Variants in TMEM260 observed in about 807,000 individuals in gnomAD.
TMEM260 encodes the protein protein O-mannosyl-transferase TMEM260.
TMEM260 carries 82 observed loss-of-function variants against 88.9 expected under a neutral mutation model. That is an observed-to-expected ratio of 0.92 (90% CI 0.77 to 1.11). The LOEUF (loss-of-function observed/expected upper bound fraction) is 1.11, where lower values mean the gene tolerates loss of function less well. Among genes scored for constraint, TMEM260 ranks in the 50% least tolerant of loss-of-function variants. The pLI, the probability that TMEM260 is intolerant of heterozygous loss-of-function variation, is 0.00. For synonymous variants in TMEM260, 314 were observed against 309.3 expected, an observed-to-expected ratio of 1.02 and a Z score of -0.16; for missense variants, 902 against 853.4, an observed-to-expected ratio of 1.06 and a Z score of -0.71.
At chr14:56,629,754 T>C (rs1440703991) in intron 12 of TMEM260, among the ~76,000 whole-genome samples, 1 of 152,172 alleles carries the variant, frequency 6.6e-6, no homozygotes, top group Non-Finnish European at 1.5e-5. Context: ...AATGTTACTT[T>C]AGGCTGGGCA....
chr14:56,662,174 T>G, the TMEM260 span, among the ~76,000 whole-genome samples: 5 of 152,252 alleles, frequency 3.3e-5, no homozygotes, highest in Non-Finnish European at 5.9e-5. Context: ...TCTTCTCAGA[T>G]AGCTACTTTT....
intron 15 of TMEM260, among the ~76,000 whole-genome samples, chr14:56,639,059 T>G (rs1041713454): frequency 3.3e-5 from 5 of 152,176 alleles, no homozygotes; most frequent in Admixed American, 6.5e-5. Flanking sequence ...TGAAGACTAG[T>G]AGGTGGGTCA....
intron 3 of TMEM260, among the ~76,000 whole-genome samples, chr14:56,595,332 G>T (rs947809162): frequency 9.2e-5 from 14 of 151,952 alleles, no homozygotes; most frequent in African/African-American, 3.4e-4. Flanking sequence ...GATATGGAGG[G>T]TTCATTGTTG....
chr14:56,595,781 C>A (rs1244254811), intron 3 of TMEM260, among the ~76,000 whole-genome samples: 1 of 152,036 alleles, frequency 6.6e-6, no homozygotes, highest in African/African-American at 2.4e-5. Context: ...GCCACCATGC[C>A]CAGTCTATAT....
chr14:56,579,692 G>T (rs1463830688), upstream of TMEM260: 1 of 397,060 alleles, frequency 2.5e-6, no homozygotes, highest in Non-Finnish European at 4.4e-6. Flanking sequence ...ACGCCAATGC[G>T]TGGTGCACTG....
chr14:56,595,996 A>G (rs1452113837), intron 3 of TMEM260, among the ~76,000 whole-genome samples: 1 of 152,172 alleles, frequency 6.6e-6, no homozygotes, highest in African/African-American at 2.4e-5. Flanking sequence ...AAGAAAAAAA[A>G]TCAATGTAAC....
intron 10 of TMEM260, among the ~76,000 whole-genome samples, chr14:56,620,722 T>TA (rs1342008031): frequency 6.6e-6 from 1 of 152,224 alleles, no homozygotes; most frequent in Non-Finnish European, 1.5e-5. Flanking sequence ...TGTTTTGTGA[T>TA]ACCCCAGATA....
intron 14 of TMEM260, among the ~76,000 whole-genome samples, chr14:56,635,494 C>T (rs537552214): frequency 2.2e-3 from 314 of 145,460 alleles, no homozygotes; most frequent in Non-Finnish European, 3.1e-3. Flanking sequence ...AAATATTAAT[C>T]TGATGGAGCC....
At chr14:56,614,788 A>T (rs556072865) in intron 7 of TMEM260, among the ~76,000 whole-genome samples, 1 of 152,310 alleles carries the variant, frequency 6.6e-6, no homozygotes, top group South Asian at 2.1e-4. Flanking sequence ...CACTCCCTGA[A>T]TGAGAATGTC....
Position 56,647,682 on chromosome 14 carries a change from A to C in TMEM260, c.*185A>C. 1 of 606,294 alleles carries C rather than the reference A, an allele frequency of 1.6e-6. No individual in the cohort carries two copies. The highest frequency in any genetic ancestry group is 2.7e-6 in the Non-Finnish European group (1 of 374,452). The allele number at this position is 606,294 out of a possible 1,614,324, so 37.6% of individuals were successfully genotyped here. On this transcript the variant is annotated 3_prime_UTR_variant, in exon 16 of 16. Coordinates refer to ENST00000261556, the MANE Select transcript of TMEM260 (RefSeq NM_017799.4). ...AGTGACTAAGGTCTGCTATTTATGC[A>C]AAATTCTGTTTATCCCGTGTTACCA...
At position 56,647,563 on chromosome 14, in the gene TMEM260, C is replaced by T; in HGVS notation, c.*66C>T. 2 of 1,500,516 alleles carry T rather than the reference C, an allele frequency of 1.3e-6. No individual in the cohort carries two copies. The highest frequency in any genetic ancestry group is 1.8e-6 in the Non-Finnish European group (2 of 1,130,962). The allele number at this position is 1,500,516 out of a possible 1,614,324, so 93.0% of individuals were successfully genotyped here. On this transcript the variant is annotated 3_prime_UTR_variant, in exon 16 of 16. Coordinates refer to ENST00000261556, the MANE Select transcript of TMEM260 (RefSeq NM_017799.4). ...AAAATTCTGAAGTCTGGAAGTTTTT[C>T]CTTCAAGAAAAGAAACTGCATAAAA...
downstream of TMEM260, among the ~76,000 whole-genome samples, chr14:56,654,142 T>C (rs1444382181): frequency 4.6e-5 from 7 of 152,308 alleles, no homozygotes; most frequent in Admixed American, 3.9e-4. Flanking sequence ...GTAATTTTTT[T>C]CCCCTTTCCT....
downstream of TMEM260, chr14:56,650,303 C>T (rs1221742872): frequency 3.0e-5 from 9 of 300,302 alleles, no homozygotes; most frequent in East Asian, 5.5e-4. Flanking sequence ...TCTCCACATG[C>T]GTCAGGGCCC....
intron 10 of TMEM260, among the ~76,000 whole-genome samples, chr14:56,620,784 CT>C (rs1167911477): frequency 6.6e-6 from 1 of 152,134 alleles, no homozygotes; most frequent in Admixed American, 6.6e-5. Context: ...AAGGACATTG[CT>C]TGTCTCATTT....
At chr14:56,580,927 G>C (rs1330229623) in intron 1 of TMEM260, among the ~76,000 whole-genome samples, 1 of 152,316 alleles carries the variant, frequency 6.6e-6, no homozygotes, top group East Asian at 1.9e-4. Flanking sequence ...AAATTGAGCA[G>C]CTTAAACAGC....
chr14:56,588,408 G>A (rs1460434077), intron 3 of TMEM260, among the ~76,000 whole-genome samples: 1 of 152,010 alleles, frequency 6.6e-6, no homozygotes, highest in African/African-American at 2.4e-5. Context: ...GTTTAAATGT[G>A]TTGATGTAAA....
downstream of TMEM260, among the ~76,000 whole-genome samples, chr14:56,655,524 T>C (rs182692748): frequency 1.9e-3 from 292 of 152,264 alleles, 4 homozygotes; most frequent in East Asian, 5.4e-3. Flanking sequence ...GATAAAGATA[T>C]ATAGATTACC....
chr14:56,585,866 T>G lies in TMEM260; in HGVS notation c.298T>G (p.Leu100Val). The G allele has an allele frequency of 6.2e-7, 1 of 1,613,736 alleles. No individual in the cohort carries two copies. The highest frequency in any genetic ancestry group is 2.2e-5 in the East Asian group (1 of 44,860). ...CTACCGCGTCAATCTTCTCTGTGGC[T>G]TATTTGGAGCAGTAGCTGCATCATT... is the stretch of plus-strand genomic sequence containing the variant. ...IAYRVNLLCG[L>V]FGAVAASLLF... Residue 100 changes from leucine (L) to valine (V), a missense_variant, in exon 3 of 16, where the codon TTA becomes GTA. Coordinates refer to ENST00000261556, the MANE Select transcript of TMEM260 (RefSeq NM_017799.4).
chr14:56,587,343 A>G (rs1179638196), intron 3 of TMEM260, among the ~76,000 whole-genome samples: 2 of 152,000 alleles, frequency 1.3e-5, no homozygotes, highest in Non-Finnish European at 2.9e-5. Flanking sequence ...TTCATTTTCT[A>G]AAACTTTTCC....
Sources: gnomAD v4.1 joint callset for allele counts (sites outside exome capture counted in the v4.1 genomes callset) on GRCh38, gnomAD v4.1.1 for gene constraint, MANE v1.5 for transcripts, NCBI Gene and HGNC (gene_info 2026-07-23, HGNC 2026-07-21) for gene names.